The following PCDHA10 variants were observed in gnomAD, a reference collection of about 807,000 sequenced individuals.
The protein encoded by PCDHA10 is protocadherin alpha-10.
Under a neutral mutation model 61.2 loss-of-function variants are expected in PCDHA10, and 45 were observed. The ratio of observed to expected loss-of-function variants is 0.74; its 90% CI spans 0.58 to 0.94. PCDHA10 has a LOEUF of 0.94. Among genes scored for constraint, PCDHA10 ranks in the 40% least tolerant of loss-of-function variants. The pLI, the probability that PCDHA10 is intolerant of heterozygous loss-of-function variation, is 0.00. For synonymous variants in PCDHA10, 602 were observed against 548.8 expected (o/e 1.10, Z -1.35); for missense variants, 1,278 against 1,236.2 (o/e 1.03, Z -0.51).
rs1314333890 is a variant in PCDHA10, at chr5:141,000,908, T to TA, written c.2537-8708dup. ...GGGCAACAGATATAGACGCTGTCTCTAAAAAAAAAAATCCTGTGTGATTTA... is the reference window on the plus strand; with the variant it reads ...GGGCAACAGATATAGACGCTGTCTCTAAAAAAAAAAAATCCTGTGTGATTTA... On this transcript the variant is annotated intron_variant, in intron 3 of 3. Coordinates refer to ENST00000307360, the MANE Select transcript of PCDHA10 (RefSeq NM_018901.4). Among the ~76,000 whole-genome samples the TA allele has an allele frequency of 4.2e-4, 62 of 147,094 alleles. 1 individual carries two copies. Among genetic ancestry groups the TA allele is most frequent in the South Asian group, 3.0e-3 (14 of 4,626 alleles).
intron 1 of PCDHA10, chr5:140,858,722 C>T: frequency 2.0e-6 from 1 of 497,160 alleles, no homozygotes. Context: ...GGTTGCAGTT[C>T]TGACGATTTA....
intron 1 of PCDHA10, chr5:140,966,932 G>A: frequency 6.2e-7 from 1 of 1,603,726 alleles, no homozygotes; most frequent in Non-Finnish European, 8.5e-7. Flanking sequence ...GGCACCCGGC[G>A]CGCTCGTGGG....
chr5:141,009,584 A>G, intron 3 of PCDHA10, 43 bp from the exon 4 acceptor site: 1 of 1,592,004 alleles, frequency 6.3e-7, no homozygotes, highest in Non-Finnish European at 8.6e-7. Context: ...CATCAAGAGC[A>G]TGTGTTGACC....
In PCDHA10 at chr5:140,981,033, G is replaced by GA. The variant is rs148859655; in HGVS notation, c.2448-1434dup. ...CACTTGAAGGCTGTTAATATTTGGG[G>GA]AAAAAAAACAGATAATTCTAGAGTG... On this transcript the variant is annotated intron_variant, in intron 2 of 3. Transcript: ENST00000307360. 8.2e-3 allele frequency among the ~76,000 whole-genome samples: 1,241 copies of GA among 151,610 alleles called. 19 individuals are homozygous for GA. Among genetic ancestry groups the GA allele is most frequent in the African/African-American group, 0.027 (1,115 of 41,338 alleles).
chr5:140,968,714 G>A, intron 1 of PCDHA10: 1 of 1,614,150 alleles, frequency 6.2e-7, no homozygotes, highest in South Asian at 1.1e-5. Flanking sequence ...GAAGATGGGA[G>A]ATGAGAGTGG....
intron 1 of PCDHA10, among the ~76,000 whole-genome samples, chr5:140,938,918 A>T (rs2092265154): frequency 6.6e-6 from 1 of 152,006 alleles, no homozygotes; most frequent in Non-Finnish European, 1.5e-5. Flanking sequence ...CACGCACAAG[A>T]AATTGGCTTT....
chr5:140,862,363 C>T, intron 1 of PCDHA10: 1 of 339,946 alleles, frequency 2.9e-6, no homozygotes, highest in Non-Finnish European at 5.8e-6. Context: ...GACAGACGAC[C>T]CGCACCCTGA....
At chr5:140,975,520 T>G (rs2153807475) in intron 1 of PCDHA10, among the ~76,000 whole-genome samples, 1 of 152,342 alleles carries the variant, frequency 6.6e-6, no homozygotes, top group East Asian at 1.9e-4. Flanking sequence ...AAATCTGCAG[T>G]GGATATATTC....
intron 1 of PCDHA10, chr5:140,863,139 G>A (rs1554157817): frequency 3.3e-6 from 2 of 605,396 alleles, no homozygotes; most frequent in African/African-American, 3.7e-5. Flanking sequence ...GCCTGCTGGT[G>A]CTGGTGAAGG....
chr5:140,877,092 C>G (rs200462899), intron 1 of PCDHA10: 46 of 1,613,110 alleles, frequency 2.9e-5, no homozygotes, highest in African/African-American at 6.7e-5. Flanking sequence ...CGCGCGACGC[C>G]GGCGTGCCGC....
chr5:140,942,633 G>A (rs1554215141), intron 1 of PCDHA10, among the ~76,000 whole-genome samples: 1 of 151,496 alleles, frequency 6.6e-6, no homozygotes, highest in Admixed American at 6.6e-5. Context: ...AAAAAAAATG[G>A]CAAAAGAGAT....
chr5:141,007,935 C>G (rs2098352677), intron 3 of PCDHA10, among the ~76,000 whole-genome samples: 1 of 152,176 alleles, frequency 6.6e-6, no homozygotes, highest in African/African-American at 2.4e-5. Flanking sequence ...GAATTCTAAG[C>G]CACCTTTTTG....
At chr5:140,876,724 G>T (rs140611870) in intron 1 of PCDHA10, 2 of 1,614,246 alleles carry the variant, frequency 1.2e-6, no homozygotes, top group Non-Finnish European at 1.7e-6. Context: ...CCGCGAGAGC[G>T]TGTCGGCCTA....
intron 1 of PCDHA10, among the ~76,000 whole-genome samples, chr5:140,931,244 T>C (rs1161128281): frequency 6.6e-6 from 1 of 152,168 alleles, no homozygotes; most frequent in Non-Finnish European, 1.5e-5. Context: ...ACACTTTTCC[T>C]ACCAAGAAAT....
chr5:140,870,608 C>A (rs1408684171), intron 1 of PCDHA10: 1 of 1,613,106 alleles, frequency 6.2e-7, no homozygotes, highest in African/African-American at 1.3e-5. Flanking sequence ...GGCGACCGCG[C>A]GCTGTCGAGC....
intron 1 of PCDHA10, among the ~76,000 whole-genome samples, chr5:140,926,033 G>A (rs1554203080): frequency 6.6e-6 from 1 of 152,070 alleles, no homozygotes; most frequent in Non-Finnish European, 1.5e-5. Flanking sequence ...AGTTTGATGC[G>A]GACACTATTC....
At chr5:140,882,646 T>C (rs1554175002) in intron 1 of PCDHA10, 1 of 1,614,112 alleles carries the variant, frequency 6.2e-7, no homozygotes, top group South Asian at 1.1e-5. Flanking sequence ...TGAGGGACAT[T>C]AACGACAACC....
At chr5:140,947,134 A>T in intron 1 of PCDHA10, among the ~76,000 whole-genome samples, 1 of 151,648 alleles carries the variant, frequency 6.6e-6, no homozygotes, top group Admixed American at 6.6e-5. Context: ...AAAAATAGTA[A>T]AATGTATAGT....
chr5:140,928,223 A>G (rs2085050678), intron 1 of PCDHA10: 1 of 1,614,178 alleles, frequency 6.2e-7, no homozygotes. Flanking sequence ...AATACACCAA[A>G]CTTTCCTCAA....
Sources: allele counts gnomAD v4.1 joint callset (sites outside exome capture counted in the v4.1 genomes callset), GRCh38; gene constraint gnomAD v4.1.1; transcripts MANE v1.5; gene names NCBI Gene and HGNC (gene_info 2026-07-23, HGNC 2026-07-21).